SMC1B: variants seen among roughly 807,000 people sequenced by gnomAD.
SMC1B encodes structural maintenance of chromosomes 1B.
Under a neutral mutation model 157.9 loss-of-function variants are expected in SMC1B, and 60 were observed. The ratio of observed to expected loss-of-function variants is 0.38; its 90% confidence interval spans 0.31 to 0.47. The LOEUF is 0.47. SMC1B is among the 20% of genes least tolerant of loss of function. SMC1B has a pLI of 0.99. For synonymous variants in SMC1B, 445 were observed against 483.0 expected (o/e 0.92, Z 1.03); for missense variants, 1,165 against 1,426.2 (o/e 0.82, Z 2.95).
chr22:45,388,474 GT>G (rs1162179903), intron 10 of SMC1B, among the ~76,000 whole-genome samples: 3 of 152,150 alleles, frequency 2.0e-5, no homozygotes, highest in Non-Finnish European at 2.9e-5. Context: ...ATGAGATGGG[GT>G]AAAGAGTTTT....
At chr22:45,391,399 A>G (rs530197246) in intron 9 of SMC1B, among the ~76,000 whole-genome samples, 1 of 152,184 alleles carries the variant, frequency 6.6e-6, no homozygotes, top group Non-Finnish European at 1.5e-5. Flanking sequence ...TAAATTGCCC[A>G]TAGTGCAAAA....
In SMC1B at chr22:45,370,957, G is replaced by A. The variant is rs551470604; in HGVS notation, c.2313+514C>T. On this transcript the variant is annotated intron_variant, in intron 14 of 24. Transcript: ENST00000357450. ...CAATGGGTGGAATTAATCAATGGGT[G>A]GTGTAACAAATCACTTTGTAAGGAT... 8.5e-5 allele frequency among the ~76,000 whole-genome samples: 13 copies of A among 152,298 alleles called. No individual in the cohort carries two copies. In the South Asian group the frequency reaches 2.5e-3, roughly 29 times the overall value.
intron 11 of SMC1B, among the ~76,000 whole-genome samples, chr22:45,384,628 G>A (rs183328348): frequency 6.6e-4 from 100 of 151,782 alleles, no homozygotes; most frequent in African/African-American, 2.3e-3. Flanking sequence ...GCTGAGGCAC[G>A]AGAATCGCTT....
chr22:45,399,542 C>G (rs1010546901), intron 5 of SMC1B, among the ~76,000 whole-genome samples, 189 bp from the exon 6 acceptor site: 3 of 152,126 alleles, frequency 2.0e-5, no homozygotes, highest in African/African-American at 7.2e-5. Context: ...CACACGGTCA[C>G]TTTTGAGAGT....
intron 12 of SMC1B, among the ~76,000 whole-genome samples, chr22:45,379,507 A>G (rs1235710714): frequency 6.6e-6 from 1 of 151,544 alleles, no homozygotes; most frequent in East Asian, 1.9e-4. Flanking sequence ...ACTTTTTAAC[A>G]CTCTAGTCCC....
At chr22:45,374,069 A>C (rs1602067203) in intron 12 of SMC1B, among the ~76,000 whole-genome samples, 1 of 150,970 alleles carries the variant, frequency 6.6e-6, no homozygotes, top group Non-Finnish European at 1.5e-5. Flanking sequence ...AGAAGTAAAG[A>C]AAGTTATAAA....
At chr22:45,413,355 C>G (rs556894355) in intron 1 of SMC1B, 104 bp downstream of exon 1, 1 of 891,036 alleles carries the variant, frequency 1.1e-6, no homozygotes, top group Admixed American at 2.9e-5. Flanking sequence ...AGGGGAAGGC[C>G]GGCCAGGCGC....
At chr22:45,396,197 A>T in intron 7 of SMC1B, 149 bp downstream of exon 7, 1 of 662,582 alleles carries the variant, frequency 1.5e-6, no homozygotes, top group East Asian at 3.0e-5. Context: ...TGGCTATTAT[A>T]TTTGTATCTT....
Position 45,344,615 on chromosome 22 carries a change from A to C in SMC1B, c.3649T>G (p.Ser1217Ala). ...MFSRVLTLDLSQYPDTEGQES... is the reference protein window; with the variant it reads ...MFSRVLTLDLAQYPDTEGQES... ...TGGCCTTCAGTGTCTGGATACTGAG[A>C]AAGATCTAGGGTCAAAACTCGGCTG... The change falls in exon 25 of 25, where the codon TCT becomes GCT. Residue 1217 changes from serine (S) to alanine (A), a missense_variant. Physicochemically the swap from Ser to Ala is moderately conservative, Grantham distance 99. Transcript: ENST00000357450. 1 of 1,614,076 alleles carries C rather than the reference A, an allele frequency of 6.2e-7. No homozygotes were observed. Among genetic ancestry groups the C allele is most frequent in the Non-Finnish European group, 8.5e-7 (1 of 1,179,912 alleles).
In SMC1B at chr22:45,359,910, C is replaced by T. The variant is rs766577785; in HGVS notation, c.2757G>A (p.Leu919=). 6.2e-7 allele frequency: 1 copy of T among 1,614,006 alleles called. No homozygotes were observed. The highest frequency in any genetic ancestry group is 1.1e-5 in the South Asian group (1 of 91,060). Residue 919 remains leucine (L), a synonymous_variant, in exon 18 of 25, where the codon CTG becomes CTA. Transcript: ENST00000357450. ...QKEVVSIQTS[L]EQKRLEKHNL... ...TATGCTTCTCTAATCGTTTCTGTTC[C>T]AGAGAAGTTTGAATACTTACAACTT...
Position 45,413,550 on chromosome 22 carries a change from C to A in SMC1B, c.18G>T (p.Leu6=), listed in dbSNP as rs201580086. ...ACGACTTGAAATTTTCCACAAGCAG[C>A]AGCTCCAGGTGGGCCATGGCGCCGC... MAHLE[L]LLVENFKSWR... Residue 6 remains leucine (L), a synonymous_variant, in exon 1 of 25, where the codon CTG becomes CTT. Transcript: ENST00000357450. The A allele has an allele frequency of 1.2e-5, 19 of 1,609,856 alleles. No individual in the cohort carries two copies. In the South Asian group the frequency reaches 2.0e-4, roughly 17 times the overall value.
chr22:45,388,048 A>C (rs958073945), intron 10 of SMC1B, among the ~76,000 whole-genome samples: 7 of 149,814 alleles, frequency 4.7e-5, no homozygotes, highest in South Asian at 2.2e-4. Context: ...AAAACAGCAA[A>C]AAAAACCCAC....
At chr22:45,410,220 G>A (rs921932026) in intron 1 of SMC1B, among the ~76,000 whole-genome samples, 1 of 152,152 alleles carries the variant, frequency 6.6e-6, no homozygotes, top group Admixed American at 6.5e-5. Context: ...AGAATCCTGT[G>A]AGTTTTCCCA....
At chr22:45,381,740 G>A (rs1344539374) in intron 12 of SMC1B, among the ~76,000 whole-genome samples, 2 of 152,150 alleles carry the variant, frequency 1.3e-5, no homozygotes, top group Non-Finnish European at 2.9e-5. Context: ...CATCTTCCCA[G>A]AACTTTTTCT....
chr22:45,358,371 C>G (rs1383054295), intron 19 of SMC1B, among the ~76,000 whole-genome samples: 1 of 152,194 alleles, frequency 6.6e-6, no homozygotes, highest in African/African-American at 2.4e-5. Context: ...TGATTGGTAT[C>G]TGAAGAGTGG....
chr22:45,355,600 G>A (rs6006997), intron 19 of SMC1B, among the ~76,000 whole-genome samples: 1 of 152,144 alleles, frequency 6.6e-6, no homozygotes, highest in African/African-American at 2.4e-5. Flanking sequence ...ATTTAAACCA[G>A]CTTTTACAGC....
At position 45,371,623 on chromosome 22, in the gene SMC1B, T is replaced by C. The variant is rs755475028; in HGVS notation, c.2197-36A>G. 4 of 1,564,390 alleles carry C rather than the reference T, an allele frequency of 2.6e-6. No individual in the cohort carries two copies. The East Asian group carries it at 9.3e-5, about 36-fold the overall frequency. ...AAGAGAAAAATTTTTTTAACATGGC[T>C]GTTTTAGCTTTATATAGTGAAGCCA... On this transcript the variant is annotated intron_variant, in intron 13 of 24. Coordinates refer to ENST00000357450, the MANE Select transcript of SMC1B (RefSeq NM_148674.5).
intron 15 of SMC1B, among the ~76,000 whole-genome samples, chr22:45,364,187 G>A (rs144408392): frequency 5.9e-5 from 9 of 152,126 alleles, no homozygotes; most frequent in African/African-American, 1.9e-4. Flanking sequence ...ACTTGGGAAC[G>A]TTCATTCCTA....
rs1033318428 is a variant in SMC1B at position 45,389,704 on chromosome 22, G to A, written c.1731+8C>T. 5 of 1,609,220 alleles carry A rather than the reference G, an allele frequency of 3.1e-6. No individual in the cohort carries two copies. The highest frequency in any genetic ancestry group is 4.2e-6 in the Non-Finnish European group (5 of 1,176,942). Reference sequence around the variant, plus strand: ...CACTATAAATACCAGGCATTACAAAGTTCTTACATCAAGGTAATCTAGAGC... The same window carrying A: ...CACTATAAATACCAGGCATTACAAAATTCTTACATCAAGGTAATCTAGAGC... On this transcript the variant is annotated splice_region_variant and intron_variant, in intron 10 of 24. Transcript: ENST00000357450.
Sources: allele counts gnomAD v4.1 joint callset (sites outside exome capture counted in the v4.1 genomes callset), GRCh38; gene constraint gnomAD v4.1.1; transcripts MANE v1.5; gene names NCBI Gene and HGNC (gene_info 2026-07-23, HGNC 2026-07-21).